CCDC3: variants seen among roughly 807,000 people sequenced by gnomAD.
CCDC3 encodes the protein coiled-coil domain-containing protein 3.
Under a neutral mutation model 21.4 loss-of-function variants are expected in CCDC3, and 24 were observed. The ratio of observed to expected loss-of-function variants is 1.12; its 90% CI spans 0.81 to 1.58. The LOEUF (loss-of-function observed/expected upper bound fraction) is 1.58. Ranked by LOEUF, CCDC3 falls within the 40% of genes most tolerant of loss-of-function variation. The pLI is 0.00. For synonymous variants in CCDC3, 186 were observed against 166.0 expected (o/e 1.12, Z -0.93); for missense variants, 425 against 360.9 (o/e 1.18, Z -1.44).
intron 2 of CCDC3, among the ~76,000 whole-genome samples, chr10:12,984,661 TG>T (rs1158404047): frequency 1.3e-5 from 2 of 152,196 alleles, no homozygotes; most frequent in Non-Finnish European, 2.9e-5. Flanking sequence ...GCCAAACTGC[TG>T]AATGAATAAA....
At chr10:13,031,327 C>G (rs1258490287) in intron 5 of CCDC3, among the ~76,000 whole-genome samples, 2 of 152,154 alleles carry the variant, frequency 1.3e-5, no homozygotes, top group Non-Finnish European at 1.5e-5. Context: ...ACCAGAATCT[C>G]TGGGACACAT....
chr10:12,952,078 C>T (rs1423597553), intron 2 of CCDC3, among the ~76,000 whole-genome samples: 1 of 152,200 alleles, frequency 6.6e-6, no homozygotes, highest in East Asian at 1.9e-4. Flanking sequence ...CTTCTAGCCA[C>T]TTCTAGCCGC....
intron 5 of CCDC3, among the ~76,000 whole-genome samples, chr10:13,030,840 T>C (rs1303485444): frequency 1.3e-5 from 2 of 152,172 alleles, no homozygotes; most frequent in Admixed American, 6.5e-5. Flanking sequence ...CCCAGATTCA[T>C]AAAGCAAGTC....
upstream of CCDC3, among the ~76,000 whole-genome samples, chr10:13,003,438 A>G (rs555942204): frequency 6.6e-5 from 10 of 152,354 alleles, no homozygotes; most frequent in African/African-American, 2.4e-4. Context: ...AGATCCATGT[A>G]CTTAACTACA....
chr10:13,017,697 A>G (rs1836088994), intron 5 of CCDC3, among the ~76,000 whole-genome samples: 1 of 152,064 alleles, frequency 6.6e-6, no homozygotes. Flanking sequence ...TTCAACAAAT[A>G]ACTTTCAAGA....
At chr10:12,899,578 T>C (rs534802665) in intron 2 of CCDC3, among the ~76,000 whole-genome samples, 3 of 152,108 alleles carry the variant, frequency 2.0e-5, no homozygotes, top group East Asian at 3.9e-4. Flanking sequence ...CCATAAATTA[T>C]AGTAAATCTA....
At chr10:13,020,820 T>C (rs941043294) in intron 5 of CCDC3, among the ~76,000 whole-genome samples, 2 of 152,156 alleles carry the variant, frequency 1.3e-5, no homozygotes, top group East Asian at 3.8e-4. Flanking sequence ...AGATTCATCT[T>C]ACAATGACTA....
rs547902308 is a variant in CCDC3, at chr10:12,912,080, T to C, written c.550-13401A>G. ...TTAGTTTGATTCCCTATCTCGACTA[T>C]TGTAAGTAATGCTTCAGTGAACATG... On this transcript the variant is annotated intron_variant, in intron 2 of 2. Transcript: ENST00000378825. Among the ~76,000 whole-genome samples, 66 of 152,342 alleles carry C rather than the reference T, an allele frequency of 4.3e-4. No individual in the cohort carries two copies. The South Asian group carries it at 0.012, about 29-fold the overall frequency.
intron 2 of CCDC3, among the ~76,000 whole-genome samples, chr10:12,927,196 C>T (rs563956577): frequency 6.6e-6 from 1 of 152,338 alleles, no homozygotes; most frequent in East Asian, 1.9e-4. Flanking sequence ...AGCCTCACCA[C>T]TACTACAAGA....
In CCDC3 at chr10:13,089,798, G is replaced by A. The variant is rs76898141; in HGVS notation, c.-503+8727C>T. Among the ~76,000 whole-genome samples the A allele has an allele frequency of 5.9e-3, 893 of 151,854 alleles. 39 individuals carry two copies. The South Asian group carries it at 0.096, about 16-fold the overall frequency. On this transcript the variant is annotated intron_variant, in intron 3 of 6. Coordinates refer to the CCDC3 transcript ENST00000378839. The stretch of plus-strand genomic sequence containing the variant: ...TCCCATCACCCGAGCAGTGGACACT[G>A]CACCCAATTTGTAGCCTTTTATCCC...
At chr10:12,980,952 C>CTA (rs1458834637) in intron 2 of CCDC3, among the ~76,000 whole-genome samples, 1 of 152,220 alleles carries the variant, frequency 6.6e-6, no homozygotes, top group African/African-American at 2.4e-5. Context: ...AATCATGACC[C>CTA]TAGCATTGGT....
chr10:13,035,044 A>AC (rs1304904847), intron 5 of CCDC3, among the ~76,000 whole-genome samples: 1 of 151,082 alleles, frequency 6.6e-6, no homozygotes, highest in Non-Finnish European at 1.5e-5. Flanking sequence ...AAAAAAAAAA[A>AC]ATTAAAAAAA....
chr10:12,935,260 C>T (rs1219038245), intron 2 of CCDC3, among the ~76,000 whole-genome samples: 3 of 152,104 alleles, frequency 2.0e-5, no homozygotes, highest in African/African-American at 7.2e-5. Context: ...GCTCTGTCAC[C>T]CAGGCTGGAG....
intron 2 of CCDC3, among the ~76,000 whole-genome samples, chr10:12,976,889 T>C (rs564246031): frequency 6.6e-6 from 1 of 152,332 alleles, no homozygotes; most frequent in African/African-American, 2.4e-5. Context: ...TAAATCTATT[T>C]TTTATAAACC....
At chr10:13,013,663 A>T (rs1836012356) in intron 5 of CCDC3, among the ~76,000 whole-genome samples, 1 of 152,216 alleles carries the variant, frequency 6.6e-6, no homozygotes, top group African/African-American at 2.4e-5. Flanking sequence ...AGCTGATAAA[A>T]CATACCGAGA....
rs546582243 is a variant in CCDC3, at chr10:13,019,107, T to G, written c.-1-20595A>C. On this transcript the variant is annotated intron_variant, in intron 5 of 6. Coordinates refer to the CCDC3 transcript ENST00000378839. ...AAATTAGCCGGGCGTGGTGGCAGGC[T>G]CCTGTAGTCCCAGCTACTCGGGAGG... 1.1e-3 allele frequency among the ~76,000 whole-genome samples: 174 copies of G among 151,898 alleles called. 1 individual carries two copies. Among genetic ancestry groups the G allele is most frequent in the African/African-American group, 2.8e-3 (117 of 41,422 alleles).
intron 3 of CCDC3, among the ~76,000 whole-genome samples, chr10:13,080,332 A>G (rs1837022310): frequency 6.6e-6 from 1 of 152,266 alleles, no homozygotes; most frequent in Non-Finnish European, 1.5e-5. Context: ...AAAGGAAGTC[A>G]GAAAGTTAAA....
At chr10:13,072,391 T>G (rs1398655494) in intron 4 of CCDC3, among the ~76,000 whole-genome samples, 1 of 152,214 alleles carries the variant, frequency 6.6e-6, no homozygotes, top group East Asian at 1.9e-4. Context: ...TTGGATGTAC[T>G]TCTTTAGAGG....
intron 2 of CCDC3, among the ~76,000 whole-genome samples, chr10:12,992,192 C>A (rs1198065095): frequency 6.6e-6 from 1 of 152,056 alleles, no homozygotes; most frequent in African/African-American, 2.4e-5. Context: ...GAGTTTGAGA[C>A]CAGTCTGGCC....
Sources: allele counts gnomAD v4.1 joint callset (sites outside exome capture counted in the v4.1 genomes callset), GRCh38; gene constraint gnomAD v4.1.1; transcripts MANE v1.5; gene names NCBI Gene and HGNC (gene_info 2026-07-23, HGNC 2026-07-21).